The following DNAH2 variants were observed in gnomAD, a reference collection of about 807,000 sequenced individuals.
DNAH2 encodes the protein axonemal beta dynein heavy chain 2.
In DNAH2, 323 loss-of-function variants were observed where a neutral mutation model predicts 523.5. The ratio of observed to expected loss-of-function variants is 0.62; its 90% CI spans 0.56 to 0.68. The LOEUF (loss-of-function observed/expected upper bound fraction) is 0.68. DNAH2 is among the 30% of genes least tolerant of loss of function. The pLI, the probability that DNAH2 is intolerant of heterozygous loss-of-function variation, is 0.00. For missense variants in DNAH2, 4,907 were observed against 5,701.5 expected (o/e 0.86, Z 4.49); for synonymous variants, 2,093 against 2,177.4 (o/e 0.96, Z 1.08).
Position 7,788,202 on chromosome 17 carries a change from C to A in DNAH2, c.6858C>A (p.Ser2286=). The A allele has an allele frequency of 6.2e-7, 1 of 1,608,512 alleles. No homozygotes were observed. The highest frequency in any genetic ancestry group is 8.5e-7 in the Non-Finnish European group (1 of 1,177,448). The change falls in exon 44 of 86, where the codon TCC becomes TCA. Residue 2286 remains serine (S), a synonymous_variant. Transcript: ENST00000572933. ...VPLPEYSGIT[S]LCKLYSALAT... is the part of the protein sequence containing the mutation. ...TGCCCGAGTACAGCGGTATCACCTC[C>A]CTCTGCAAGCTGTACTCTGCCCTGG... is the stretch of plus-strand genomic sequence containing the variant.
Position 7,758,885 on chromosome 17 carries a change from G to T in DNAH2, c.2209G>T (p.Val737Leu). The T allele has an allele frequency of 6.2e-7, 1 of 1,613,880 alleles. No homozygotes were observed. The highest frequency in any genetic ancestry group is 8.5e-7 in the Non-Finnish European group (1 of 1,179,988). Reference sequence around the variant, plus strand: ...CCCCCATGACGGGGCCTGACTCTAGGTGCAGATGATTGTGAATGAGTTCAA... The same window carrying T: ...CCCCCATGACGGGGCCTGACTCTAGTTGCAGATGATTGTGAATGAGTTCAA... ...ITECRIHASKVQMIVNEFKAS... is the reference protein window; with the variant it reads ...ITECRIHASKLQMIVNEFKAS... The change falls in exon 15 of 86, where the codon GTG becomes TTG. Residue 737 changes from valine (V) to leucine (L), a missense_variant and splice_region_variant. By Grantham distance (32) the Val-to-Leu change is conservative. Transcript: ENST00000572933.
chr17:7,751,075 G>T (rs959682594), intron 12 of DNAH2, among the ~76,000 whole-genome samples: 1 of 152,144 alleles, frequency 6.6e-6, no homozygotes, highest in Middle Eastern at 3.4e-3. Flanking sequence ...ATTAAAAAGT[G>T]CAATTTTATT....
At position 7,780,870 on chromosome 17, in the gene DNAH2, C is replaced by G; in HGVS notation, c.6003+88C>G. The G allele has an allele frequency of 1.3e-6, 2 of 1,595,522 alleles. No individual in the cohort carries two copies. Among genetic ancestry groups the G allele is most frequent in the Admixed American group, 1.7e-5 (1 of 59,326 alleles). Reference sequence around the variant, plus strand: ...TCAAGTCTTTCAGACCCTTTCTTTCCTCAGATTGGGATTCTCACCTTCCCA... The same window carrying G: ...TCAAGTCTTTCAGACCCTTTCTTTCGTCAGATTGGGATTCTCACCTTCCCA... On this transcript the variant is annotated intron_variant, in intron 38 of 85. Coordinates refer to ENST00000572933, the MANE Select transcript of DNAH2 (RefSeq NM_020877.5). The surrounding 1 kb of genome is among the most constrained non-coding windows in gnomAD (Gnocchi z 4.4).
chr17:7,830,379 A>G lies in DNAH2; in HGVS notation c.11933A>G (p.Tyr3978Cys), dbSNP rs761272564. 7 of 1,614,252 alleles carry G rather than the reference A, an allele frequency of 4.3e-6. No homozygotes were observed. Among genetic ancestry groups the G allele is most frequent in the Non-Finnish European group, 5.9e-6 (7 of 1,180,048 alleles). ...TCCCGCTGCTCCAAACCTGCCAAAT[A>G]TAAGAAGCTGCTGTTTTCACTCTGT... The part of the protein sequence containing the change: ...QFSRCSKPAK[Y>C]KKLLFSLCFF... Residue 3978 changes from tyrosine to cysteine, a missense_variant, in exon 78 of 86, where the codon TAT becomes TGT. By Grantham distance (194) the Tyr-to-Cys change is radical (BLOSUM62 -2). Coordinates refer to ENST00000572933, the MANE Select transcript of DNAH2 (RefSeq NM_020877.5).
intron 8 of DNAH2, chr17:7,737,976 TC>T: frequency 1.4e-6 from 1 of 703,040 alleles, no homozygotes; most frequent in Non-Finnish European, 2.6e-6. Context: ...AGCAATGAGA[TC>T]ATCCGCTTAT....
In DNAH2 at chr17:7,817,284, C is replaced by T. The variant is rs376463255; in HGVS notation, c.9895-6C>T. 106 of 1,587,046 alleles carry T rather than the reference C, an allele frequency of 6.7e-5. No individual in the cohort carries two copies. Among genetic ancestry groups the T allele is most frequent in the Middle Eastern group, 1.7e-4 (1 of 5,880 alleles). The stretch of plus-strand genomic sequence containing the variant: ...AGGCAGGCTTACCCTCCCTCCTGTC[C>T]GCCAGGGCCTGGAGGAGGACCTGGG... On this transcript the variant is annotated splice_polypyrimidine_tract_variant and splice_region_variant and intron_variant, in intron 64 of 85. Coordinates refer to ENST00000572933, the MANE Select transcript of DNAH2 (RefSeq NM_020877.5).
chr17:7,816,908 C>T (rs935832635), intron 64 of DNAH2, among the ~76,000 whole-genome samples, 173 bp downstream of exon 64: 9 of 152,148 alleles, frequency 5.9e-5, no homozygotes, highest in African/African-American at 2.2e-4. Flanking sequence ...TTGGTGAGAG[C>T]AATGGAAGGA....
chr17:7,767,970 C>T lies in DNAH2; in HGVS notation c.3746C>T (p.Thr1249Ile), dbSNP rs761188695. The part of the protein sequence containing the change: ...DWEENWNEWK[T>I]GRFLILQTET... ...GAGGAGAACTGGAATGAGTGGAAGA[C>T]TGGCCGGTTCCTGATCCTGCAGACG... Residue 1249 changes from threonine (T) to isoleucine (I), a missense_variant, in exon 23 of 86, where the codon ACT becomes ATT. Physicochemically the swap from Thr to Ile is moderately conservative, Grantham distance 89. This residue lies in a region of DNAH2 where 2,806 missense variants were observed against 3,190.8 expected (regional missense o/e 0.88). Transcript: ENST00000572933. 2 of 1,614,174 alleles carry T rather than the reference C, an allele frequency of 1.2e-6. No homozygotes were observed. The highest frequency in any genetic ancestry group is 3.3e-5 in the Admixed American group (2 of 60,018).
intron 20 of DNAH2, among the ~76,000 whole-genome samples, chr17:7,764,820 C>T (rs911981510): frequency 1.3e-4 from 7 of 52,198 alleles, no homozygotes; most frequent in Admixed American, 7.4e-4. Context: ...TGGCCTCATT[C>T]TCAGATATAC....
rs531164413 is a variant in DNAH2 at position 7,739,941 on chromosome 17, G to A, written c.1376+3G>A. On this transcript the variant is annotated splice_donor_region_variant and intron_variant, in intron 9 of 85. Coordinates refer to ENST00000572933, the MANE Select transcript of DNAH2 (RefSeq NM_020877.5). Reference sequence around the variant, plus strand: ...TGTTGGCATGAAGACTACAATAAGTGAGGGAACCACAGGCTGATGCCAGGC... The same window carrying A: ...TGTTGGCATGAAGACTACAATAAGTAAGGGAACCACAGGCTGATGCCAGGC... 5.0e-6 allele frequency: 8 copies of A among 1,613,452 alleles called. No individual in the cohort carries two copies. Among genetic ancestry groups the A allele is most frequent in the Non-Finnish European group, 6.8e-6 (8 of 1,179,628 alleles).
At chr17:7,775,009 T>C in intron 29 of DNAH2, 33 bp downstream of exon 29, 3 of 1,605,658 alleles carry the variant, frequency 1.9e-6, no homozygotes, top group Non-Finnish European at 2.6e-6. Context: ...AGATGCTGGG[T>C]GGCGAAGGGA....
chr17:7,722,374 C>T (rs1282581913), intron 2 of DNAH2, among the ~76,000 whole-genome samples: 3 of 152,174 alleles, frequency 2.0e-5, no homozygotes, highest in Non-Finnish European at 4.4e-5. Context: ...TTAAAGTCTA[C>T]AGTTCAGTGG....
At chr17:7,819,515 T>C in intron 72 of DNAH2, 107 bp downstream of exon 72, 1 of 1,205,706 alleles carries the variant, frequency 8.3e-7, no homozygotes, top group Non-Finnish European at 1.2e-6. Context: ...AGCCTGCCGC[T>C]GTCCTTGGCA....
intron 1 of DNAH2, among the ~76,000 whole-genome samples, chr17:7,719,127 CTTTTTT>C (rs34833123): frequency 7.3e-6 from 1 of 136,462 alleles, no homozygotes; most frequent in Non-Finnish European, 1.6e-5. Flanking sequence ...GTCTGGCCAT[CTTTTTT>C]TTTTTTTTTT....
At chr17:7,763,743 A>C in intron 18 of DNAH2, 88 bp from the exon 19 acceptor site, 1 of 1,519,180 alleles carries the variant, frequency 6.6e-7, no homozygotes, top group Middle Eastern at 2.4e-4. Context: ...GTTTGGGTGG[A>C]AGGAAATGAG....
At chr17:7,737,703 G>A (rs541959096) in intron 8 of DNAH2, among the ~76,000 whole-genome samples, 1 of 152,294 alleles carries the variant, frequency 6.6e-6, no homozygotes, top group East Asian at 1.9e-4. Context: ...GTGGGAGAAG[G>A]GACACTGAGC....
Position 7,753,226 on chromosome 17 carries a change from A to G in DNAH2, c.1905-3865A>G, listed in dbSNP as rs1451598954. Reference sequence around the variant, plus strand: ...GGATAGTACCCTTCCCTGAGGCAGGAGCGCCAAGTTTGCAGAGAAGATGAT... The same window carrying G: ...GGATAGTACCCTTCCCTGAGGCAGGGGCGCCAAGTTTGCAGAGAAGATGAT... On this transcript the variant is annotated intron_variant, in intron 12 of 85. Coordinates refer to ENST00000572933, the MANE Select transcript of DNAH2 (RefSeq NM_020877.5). Among the ~76,000 whole-genome samples, 3 of 152,162 alleles carry G rather than the reference A, an allele frequency of 2.0e-5. No individual in the cohort carries two copies. In the East Asian group the frequency reaches 5.8e-4, roughly 29 times the overall value.
intron 44 of DNAH2, 76 bp downstream of exon 44, chr17:7,788,320 C>T (rs1466134573): frequency 1.9e-5 from 28 of 1,464,064 alleles, no homozygotes; most frequent in East Asian, 7.5e-5. Context: ...TGGGAAACGG[C>T]GTGTCTGAGA....
At chr17:7,756,595 T>C (rs2075846029) in intron 12 of DNAH2, among the ~76,000 whole-genome samples, 1 of 152,102 alleles carries the variant, frequency 6.6e-6, no homozygotes, top group Non-Finnish European at 1.5e-5. Flanking sequence ...ATTTTAATAC[T>C]TGATCCAACA....
Sources: gnomAD v4.1 joint callset for allele counts (sites outside exome capture counted in the v4.1 genomes callset) on GRCh38, gnomAD v4.1.1 for gene constraint, gnomAD v4.1.1 regional missense constraint, Gnocchi (gnomAD v3.1) non-coding constraint, MANE v1.5 for transcripts, NCBI Gene and HGNC (gene_info 2026-07-23, HGNC 2026-07-21) for gene names.